Variants in WDPCP observed in about 807,000 individuals in gnomAD.
WDPCP encodes the protein WD repeat containing planar cell polarity effector, also known as WD repeat-containing and planar cell polarity effector protein fritz homolog.
A neutral mutation model predicts 93.1 loss-of-function variants in WDPCP; 71 were observed. That is an observed-to-expected ratio of 0.76 (90% CI 0.63 to 0.93). WDPCP has a LOEUF of 0.93. Among genes scored for constraint, WDPCP ranks in the 40% least tolerant of loss-of-function variants. The probability of loss-of-function intolerance (pLI) is 0.00; values close to 1 mark genes in which losing one functional copy is unlikely to be tolerated. For synonymous variants in WDPCP, 315 were observed against 315.0 expected (o/e 1.00, Z 0.00); for missense variants, 844 against 887.4 (o/e 0.95, Z 0.62).
At chr2:63,651,470 C>CACACAT (rs374360770) in intron 2 of WDPCP, among the ~76,000 whole-genome samples, 3 of 151,862 alleles carry the variant, frequency 2.0e-5, no homozygotes, top group Admixed American at 6.6e-5. Context: ...CACACACACA[C>CACACAT]ACAGAGAGAC....
At chr2:63,835,643 TA>T in the WDPCP span, among the ~76,000 whole-genome samples, 3 of 151,364 alleles carry the variant, frequency 2.0e-5, no homozygotes, top group Admixed American at 6.6e-5. Flanking sequence ...AAAAATTAAA[TA>T]AAAAAAATAA....
At chr2:63,568,362 A>C (rs994737651) in intron 1 of WDPCP, among the ~76,000 whole-genome samples, 2 of 152,080 alleles carry the variant, frequency 1.3e-5, no homozygotes, top group African/African-American at 4.8e-5. Flanking sequence ...AAACAAAAAA[A>C]AACCTCTCTC....
chr2:63,144,888 T>C (rs781618779), intron 17 of WDPCP, among the ~76,000 whole-genome samples: 105 of 152,228 alleles, frequency 6.9e-4, no homozygotes, highest in Non-Finnish European at 1.3e-3. Context: ...GGGTAGGCTC[T>C]ATCAGAGGGA....
chr2:63,533,429 C>T (rs1005564875), intron 1 of WDPCP, among the ~76,000 whole-genome samples: 5 of 152,206 alleles, frequency 3.3e-5, no homozygotes, highest in Non-Finnish European at 5.9e-5. Context: ...TCACATCACA[C>T]TTATTCCAAA....
intron 14 of WDPCP, among the ~76,000 whole-genome samples, chr2:63,187,499 T>G (rs1674725175): frequency 6.6e-6 from 1 of 152,238 alleles, no homozygotes; most frequent in African/African-American, 2.4e-5. Context: ...GTGCATTGTA[T>G]GGATATTTTG....
intron 17 of WDPCP, among the ~76,000 whole-genome samples, chr2:63,126,696 G>T: frequency 7.6e-6 from 1 of 131,144 alleles, no homozygotes. Context: ...TTTTGAGATA[G>T]GGTTGTGCTC....
chr2:63,164,073 A>G (rs1672804188), intron 15 of WDPCP, among the ~76,000 whole-genome samples: 1 of 152,216 alleles, frequency 6.6e-6, no homozygotes, highest in South Asian at 2.1e-4. Flanking sequence ...TTTACTGCAA[A>G]TACAAGGTTT....
At chr2:63,676,706 C>T (rs977777338) in intron 2 of WDPCP, among the ~76,000 whole-genome samples, 1 of 152,066 alleles carries the variant, frequency 6.6e-6, no homozygotes, top group Non-Finnish European at 1.5e-5. Flanking sequence ...AGGAATAACA[C>T]AGGGAGTGAC....
chr2:63,120,978 T>G lies in WDPCP; in HGVS notation c.*1028A>C, dbSNP rs1669517354. ...TGGATGCTGTTAGAAGACATGAGAC[T>G]CCTGAGTCAGAGACAAATGATAGTA... is the stretch of plus-strand genomic sequence containing the variant. On this transcript the variant is annotated 3_prime_UTR_variant, in exon 18 of 18. Coordinates refer to ENST00000272321, the MANE Select transcript of WDPCP (RefSeq NM_015910.7). Among the ~76,000 whole-genome samples the G allele has an allele frequency of 6.6e-6, 1 of 152,170 alleles. No homozygotes were observed. The highest frequency in any genetic ancestry group is 2.4e-5 in the African/African-American group (1 of 41,450).
At chr2:63,606,161 T>C in intron 3 of WDPCP, 1 of 837,234 alleles carries the variant, frequency 1.2e-6, no homozygotes, top group Non-Finnish European at 2.0e-6. Flanking sequence ...GTGGCAAGAT[T>C]GCTTGAGCCC....
At chr2:63,333,773 A>G (rs1423572523) in intron 12 of WDPCP, among the ~76,000 whole-genome samples, 2 of 152,182 alleles carry the variant, frequency 1.3e-5, no homozygotes, top group Non-Finnish European at 2.9e-5. Context: ...CACTTTGGGC[A>G]CATGTCCTCA....
At chr2:63,550,686 T>C (rs1481124532) in intron 1 of WDPCP, among the ~76,000 whole-genome samples, 3 of 151,632 alleles carry the variant, frequency 2.0e-5, no homozygotes, top group Non-Finnish European at 4.4e-5. Context: ...TATATATATA[T>C]ACATACACAT....
rs553297662 is a variant in WDPCP, at chr2:63,579,900, G to A, written c.75+8297C>T. On this transcript the variant is annotated intron_variant, in intron 1 of 17. Transcript: ENST00000272321. ...CTTTAAGAGGTGATTAGGTCATGAG[G>A]GTTCTGTCCTCATAAACTGGTTAAT... is the stretch of plus-strand genomic sequence containing the variant. Among the ~76,000 whole-genome samples, 15 of 152,258 alleles carry A rather than the reference G, an allele frequency of 9.9e-5. No homozygotes were observed. In the South Asian group the frequency reaches 3.1e-3, roughly 32 times the overall value.
chr2:63,412,408 C>A (rs1558596688), intron 9 of WDPCP, among the ~76,000 whole-genome samples: 1 of 152,124 alleles, frequency 6.6e-6, no homozygotes, highest in African/African-American at 2.4e-5. Flanking sequence ...CTATGACAGT[C>A]CCACAGCCAA....
chr2:63,578,493 A>G (rs1258341026), intron 1 of WDPCP, among the ~76,000 whole-genome samples: 1 of 152,202 alleles, frequency 6.6e-6, no homozygotes, highest in East Asian at 1.9e-4. Flanking sequence ...CCATGAAAAG[A>G]AATATGTGTT....
At chr2:63,553,329 C>T (rs1705824804) in intron 1 of WDPCP, among the ~76,000 whole-genome samples, 1 of 152,126 alleles carries the variant, frequency 6.6e-6, no homozygotes, top group African/African-American at 2.4e-5. Flanking sequence ...ATTTCCCGCC[C>T]ATCCTCCCGA....
chr2:63,421,266 G>A (rs1271633768), intron 9 of WDPCP, among the ~76,000 whole-genome samples: 1 of 152,076 alleles, frequency 6.6e-6, no homozygotes, highest in Admixed American at 6.5e-5. Flanking sequence ...TTACTAGTAA[G>A]TATAAGCATT....
chr2:63,579,704 A>C (rs1708363045), intron 1 of WDPCP, among the ~76,000 whole-genome samples: 1 of 152,192 alleles, frequency 6.6e-6, no homozygotes, highest in South Asian at 2.1e-4. Context: ...ATAAAATGAG[A>C]AGTCATGAAT....
chr2:63,622,858 C>G, intron 3 of WDPCP: 1 of 1,579,784 alleles, frequency 6.3e-7, no homozygotes, highest in African/African-American at 1.3e-5. Flanking sequence ...GGCTCAGCAC[C>G]CGCGCAGCAT....
Sources: allele counts gnomAD v4.1 joint callset (sites outside exome capture counted in the v4.1 genomes callset), GRCh38; gene constraint gnomAD v4.1.1; transcripts MANE v1.5; gene names NCBI Gene and HGNC (gene_info 2026-07-23, HGNC 2026-07-21).